Variants in FOCAD observed in about 807,000 individuals in gnomAD.
FOCAD encodes KIAA1797.
FOCAD carries 198 observed loss-of-function variants against 225.6 expected under a neutral mutation model. The observed-to-expected ratio is 0.88, with a 90% CI of 0.78 to 0.99. FOCAD has a LOEUF of 0.99. Ranked by LOEUF, FOCAD falls within the 50% of genes least tolerant of loss-of-function variation. The probability of loss-of-function intolerance (pLI) is 0.00; values close to 1 mark genes in which losing one functional copy is unlikely to be tolerated. For synonymous variants in FOCAD, 897 were observed against 755.0 expected (o/e 1.19, Z -3.08); for missense variants, 2,713 against 2,123.6 (o/e 1.28, Z -5.46).
chr9:20,802,504 C>A (rs943486878), intron 11 of FOCAD, among the ~76,000 whole-genome samples: 1 of 152,088 alleles, frequency 6.6e-6, no homozygotes, highest in Non-Finnish European at 1.5e-5. Flanking sequence ...CCATGTCTTA[C>A]TTGTTTTTAC....
At chr9:20,970,973 G>A (rs906325236) in intron 35 of FOCAD, among the ~76,000 whole-genome samples, 5 of 152,108 alleles carry the variant, frequency 3.3e-5, no homozygotes, top group African/African-American at 1.2e-4. Context: ...TATTGTAACA[G>A]GGTAACTTGG....
chr9:20,968,431 CTTTTTTTTTTT>C (rs35624897), intron 35 of FOCAD, among the ~76,000 whole-genome samples: 22 of 43,634 alleles, frequency 5.0e-4, no homozygotes, highest in African/African-American at 1.1e-3. Flanking sequence ...TTTTCTTATT[CTTTTTTTTTTT>C]TTTTTTTTTT....
chr9:20,763,432 A>G (rs966163010), intron 6 of FOCAD, among the ~76,000 whole-genome samples: 2 of 152,146 alleles, frequency 1.3e-5, no homozygotes, highest in African/African-American at 4.8e-5. Flanking sequence ...TAGCCATTGC[A>G]CTCTAGCCTG....
At chr9:20,713,053 CA>C (rs1228903157) in intron 1 of FOCAD, among the ~76,000 whole-genome samples, 4 of 152,076 alleles carry the variant, frequency 2.6e-5, no homozygotes. Flanking sequence ...TGCTCTTATC[CA>C]ATCCATTAGC....
chr9:20,936,074 C>T (rs1366037311), intron 28 of FOCAD, among the ~76,000 whole-genome samples: 1 of 152,110 alleles, frequency 6.6e-6, no homozygotes, highest in African/African-American at 2.4e-5. Context: ...GTTAGGCTTT[C>T]GGAAATACTG....
intron 11 of FOCAD, among the ~76,000 whole-genome samples, chr9:20,798,627 A>G (rs1272296469): frequency 6.6e-6 from 1 of 151,412 alleles, no homozygotes; most frequent in African/African-American, 2.4e-5. Flanking sequence ...TTTCTAGTTT[A>G]TTTGCTTAGA....
At chr9:20,925,199 G>A (rs186821379) in intron 25 of FOCAD, among the ~76,000 whole-genome samples, 1 of 152,302 alleles carries the variant, frequency 6.6e-6, no homozygotes, top group Non-Finnish European at 1.5e-5. Flanking sequence ...GAGAGGAAAT[G>A]TTTCATGTCT....
chr9:20,713,792 T>A (rs1343915440), intron 1 of FOCAD, among the ~76,000 whole-genome samples: 1 of 152,194 alleles, frequency 6.6e-6, no homozygotes, highest in East Asian at 1.9e-4. Context: ...TTCCTGTGTT[T>A]CCCAGGGACA....
chr9:20,910,087 C>T (rs1833314371), intron 22 of FOCAD, among the ~76,000 whole-genome samples: 1 of 152,028 alleles, frequency 6.6e-6, no homozygotes, highest in Non-Finnish European at 1.5e-5. Context: ...TCAAGCCTTA[C>T]CTAATTTTTC....
rs1353716034 is a variant in FOCAD at position 20,912,838 on chromosome 9, A to G, written c.2719-28A>G. Reference sequence around the variant, plus strand: ...AGATCACTTCAGCCATCGAGTTCACATGCTGATTTATGCTGTGATTTTTGC... The same window carrying G: ...AGATCACTTCAGCCATCGAGTTCACGTGCTGATTTATGCTGTGATTTTTGC... On this transcript the variant is annotated intron_variant, in intron 22 of 43. Transcript: ENST00000338382. 19 of 1,584,672 alleles carry G rather than the reference A, an allele frequency of 1.2e-5. No individual in the cohort carries two copies. The Admixed American group carries it at 1.8e-4, about 15-fold the overall frequency.
At chr9:20,763,241 G>A (rs1563959753) in intron 6 of FOCAD, among the ~76,000 whole-genome samples, 1 of 152,124 alleles carries the variant, frequency 6.6e-6, no homozygotes, top group Non-Finnish European at 1.5e-5. Context: ...ACAGTTATTG[G>A]TGATAATAGC....
At chr9:20,827,450 G>C (rs1201107025) in intron 15 of FOCAD, among the ~76,000 whole-genome samples, 2 of 151,954 alleles carry the variant, frequency 1.3e-5, no homozygotes, top group East Asian at 3.9e-4. Context: ...ATCAAATGAT[G>C]GACATTTGCC....
At chr9:20,935,214 A>C (rs1835839374) in intron 28 of FOCAD, among the ~76,000 whole-genome samples, 1 of 152,206 alleles carries the variant, frequency 6.6e-6, no homozygotes, top group African/African-American at 2.4e-5. Flanking sequence ...ACTTATTATT[A>C]AAGCTTTCTT....
intron 4 of FOCAD, among the ~76,000 whole-genome samples, chr9:20,722,954 TG>T (rs2131560341): frequency 6.6e-6 from 1 of 152,306 alleles, no homozygotes; most frequent in East Asian, 1.9e-4. Flanking sequence ...CAGCAGCTCA[TG>T]GGGCCAATGT....
At chr9:20,755,497 T>G (rs1828967226) in intron 5 of FOCAD, among the ~76,000 whole-genome samples, 1 of 152,308 alleles carries the variant, frequency 6.6e-6, no homozygotes, top group East Asian at 1.9e-4. Flanking sequence ...TGGACAAAAC[T>G]GAGTATTTTA....
intron 24 of FOCAD, 63 bp from the exon 25 acceptor site, chr9:20,923,597 G>A: frequency 7.8e-7 from 1 of 1,283,378 alleles, no homozygotes; most frequent in East Asian, 2.4e-5. Flanking sequence ...TCCTATATTA[G>A]CTCTTTCTCT....
chr9:20,858,134 T>A (rs1248583526), intron 15 of FOCAD, among the ~76,000 whole-genome samples: 2 of 152,062 alleles, frequency 1.3e-5, no homozygotes, highest in Non-Finnish European at 2.9e-5. Flanking sequence ...TTTCCTCCTC[T>A]TCTATTTTTT....
Position 20,723,225 on chromosome 9 carries a change from T to C in FOCAD, c.287+2691T>C, listed in dbSNP as rs1307614807. 3.9e-5 allele frequency among the ~76,000 whole-genome samples: 6 copies of C among 152,356 alleles called. No homozygotes were observed. The South Asian group carries it at 8.3e-4, about 21-fold the overall frequency. ...TTTTTGGGTGAGGTGCGGTGACTCA[T>C]GCCCGTAATCCCAATACTTCGGCAG... On this transcript the variant is annotated intron_variant, in intron 4 of 43. Coordinates refer to ENST00000338382, the MANE Select transcript of FOCAD (RefSeq NM_001375567.1).
At chr9:20,866,206 A>G (rs774189431) in intron 17 of FOCAD, among the ~76,000 whole-genome samples, 3 of 152,030 alleles carry the variant, frequency 2.0e-5, no homozygotes, top group Non-Finnish European at 2.9e-5. Flanking sequence ...TGAATCTGAC[A>G]GATGGGAAGA....
Sources: allele counts gnomAD v4.1 joint callset (sites outside exome capture counted in the v4.1 genomes callset), GRCh38; gene constraint gnomAD v4.1.1; transcripts MANE v1.5; gene names NCBI Gene and HGNC (gene_info 2026-07-23, HGNC 2026-07-21).